LDLRAD4: variants seen among roughly 807,000 people sequenced by gnomAD.
LDLRAD4 encodes low-density lipoprotein receptor class A domain-containing protein 4.
LDLRAD4 carries 5 observed loss-of-function variants against 17.0 expected under a neutral mutation model. The ratio of observed to expected loss-of-function variants is 0.29; its 90% CI spans 0.15 to 0.62. The LOEUF (loss-of-function observed/expected upper bound fraction) is 0.62, where lower values mean the gene tolerates loss of function less well. Among genes scored for constraint, LDLRAD4 ranks in the 20% least tolerant of loss-of-function variants. LDLRAD4 has a pLI of 0.84. For synonymous variants in LDLRAD4, 168 were observed against 171.8 expected (o/e 0.98, Z 0.17); for missense variants, 340 against 424.7 (o/e 0.80, Z 1.75).
chr18:13,370,617 G>A lies in LDLRAD4; in HGVS notation c.-382-16724G>A, dbSNP rs114822771. On this transcript the variant is annotated intron_variant, in intron 1 of 5. Coordinates refer to ENST00000359446, the Ensembl canonical transcript of LDLRAD4. ...TGTGCGGAAGTGGCCCAGAGAAACC[G>A]CGGGAAATGCTCCATGGAGACTGCC... Among the ~76,000 whole-genome samples the A allele has an allele frequency of 6.6e-3, 1,004 of 152,122 alleles. 12 individuals carry two copies. The highest frequency in any genetic ancestry group is 0.023 in the African/African-American group (954 of 41,496).
At chr18:13,377,684 A>G (rs1404949657) in intron 1 of LDLRAD4, among the ~76,000 whole-genome samples, 1 of 152,218 alleles carries the variant, frequency 6.6e-6, no homozygotes, top group East Asian at 1.9e-4. Flanking sequence ...CATAATGGAC[A>G]TACTCAGGCA....
exon 6 of LDLRAD4, chr18:13,647,596 T>C (rs1342466915): frequency 2.0e-5 from 3 of 152,300 alleles, no homozygotes; most frequent in Non-Finnish European, 4.4e-5. Flanking sequence ...CCTAGTCTGT[T>C]CCCTTCTGCT....
intron 1 of LDLRAD4, among the ~76,000 whole-genome samples, chr18:13,378,991 G>A (rs2085134634): frequency 2.6e-5 from 4 of 152,192 alleles, no homozygotes. Context: ...ATTTGGGAGG[G>A]GTGGTAACTT....
chr18:13,626,026 G>A (rs1015417927), intron 4 of LDLRAD4, among the ~76,000 whole-genome samples: 1 of 151,838 alleles, frequency 6.6e-6, no homozygotes, highest in Non-Finnish European at 1.5e-5. Context: ...GGGGCCCAAG[G>A]AATGGATGTT....
chr18:13,555,643 C>T (rs1465838316), intron 3 of LDLRAD4, among the ~76,000 whole-genome samples: 1 of 152,108 alleles, frequency 6.6e-6, no homozygotes, highest in Non-Finnish European at 1.5e-5. Context: ...CCCTAGGGTG[C>T]AAAGCAATGT....
intron 1 of LDLRAD4, among the ~76,000 whole-genome samples, chr18:13,248,493 A>G (rs2043079216): frequency 6.6e-6 from 1 of 152,186 alleles, no homozygotes; most frequent in Non-Finnish European, 1.5e-5. Flanking sequence ...TGATGTAGCA[A>G]TTGTGGAATG....
In LDLRAD4 at chr18:13,292,647, G is replaced by C. The variant is rs567349774; in HGVS notation, c.-383+14459G>C. Among the ~76,000 whole-genome samples, 31 of 152,332 alleles carry C rather than the reference G, an allele frequency of 2.0e-4. 1 individual carries two copies. The highest frequency in any genetic ancestry group is 4.1e-4 in the Non-Finnish European group (28 of 68,022). ...AAATTGAAGCATAAGGGAGCCCTAG[G>C]AGGGACTGAATACCATGAGGCGTGG... On this transcript the variant is annotated intron_variant, in intron 1 of 5. Transcript: ENST00000359446.
chr18:13,452,466 C>A (rs1219018166), intron 3 of LDLRAD4, among the ~76,000 whole-genome samples: 1 of 152,052 alleles, frequency 6.6e-6, no homozygotes, highest in Non-Finnish European at 1.5e-5. Flanking sequence ...GTGAGCAAGT[C>A]TCTGCGAGGG....
At chr18:13,347,870 C>T (rs2082786586) in intron 1 of LDLRAD4, among the ~76,000 whole-genome samples, 1 of 152,226 alleles carries the variant, frequency 6.6e-6, no homozygotes, top group African/African-American at 2.4e-5. Flanking sequence ...GAATCAGCTA[C>T]TGAGGCTTGC....
intron 3 of LDLRAD4, among the ~76,000 whole-genome samples, chr18:13,566,168 C>T (rs1239642711): frequency 6.6e-6 from 1 of 152,080 alleles, no homozygotes; most frequent in African/African-American, 2.4e-5. Context: ...ACAAGACTAA[C>T]GGGCAGCCAA....
chr18:13,591,891 G>C (rs1442897385), intron 3 of LDLRAD4, among the ~76,000 whole-genome samples: 1 of 152,134 alleles, frequency 6.6e-6, no homozygotes, highest in Non-Finnish European at 1.5e-5. Flanking sequence ...GGCATTTGGG[G>C]GTAATTATAA....
intron 3 of LDLRAD4, among the ~76,000 whole-genome samples, chr18:13,450,334 C>CA (rs2091740631): frequency 4.0e-5 from 5 of 124,968 alleles, no homozygotes; most frequent in Non-Finnish European, 8.8e-5. Flanking sequence ...CCACCCCCCC[C>CA]CCCAAAAAAA....
At chr18:13,306,042 G>T (rs2046893669) in intron 1 of LDLRAD4, among the ~76,000 whole-genome samples, 4 of 152,174 alleles carry the variant, frequency 2.6e-5, no homozygotes, top group Admixed American at 2.6e-4. Flanking sequence ...AAGATAATAG[G>T]AGAAGCAGCA....
chr18:13,612,025 G>C (rs2039613619), intron 3 of LDLRAD4: 1 of 985,534 alleles, frequency 1.0e-6, no homozygotes, highest in African/African-American at 1.7e-5. Context: ...AAGCACGCGA[G>C]CCTAACGTGA....
At chr18:13,448,578 C>T (rs1226232597) in intron 3 of LDLRAD4, among the ~76,000 whole-genome samples, 1 of 151,442 alleles carries the variant, frequency 6.6e-6, no homozygotes, top group African/African-American at 2.4e-5. Context: ...AGTTTCTGCT[C>T]ATGAAGACTC....
At chr18:13,445,963 A>G (rs2091377287) in intron 3 of LDLRAD4, among the ~76,000 whole-genome samples, 1 of 152,182 alleles carries the variant, frequency 6.6e-6, no homozygotes, top group African/African-American at 2.4e-5. Flanking sequence ...TGAGGATAAT[A>G]TTGGTATCTC....
chr18:13,544,236 G>A (rs570058285), intron 3 of LDLRAD4, among the ~76,000 whole-genome samples: 1 of 152,376 alleles, frequency 6.6e-6, no homozygotes, highest in Admixed American at 6.5e-5. Flanking sequence ...TTCCTGGAGT[G>A]TGATTTCCCC....
rs1479908174 is a variant in LDLRAD4, at chr18:13,383,041, A to G, written c.-382-4300A>G. Among the ~76,000 whole-genome samples the G allele has an allele frequency of 3.3e-5, 5 of 152,186 alleles. No individual in the cohort carries two copies. The East Asian group carries it at 7.7e-4, about 23-fold the overall frequency. ...TTGTAATCATCATCTCAACTCTTCT[A>G]GTGGGGTGGTGGGAAAACCAGCCCG... On this transcript the variant is annotated intron_variant, in intron 1 of 5. Coordinates refer to ENST00000359446, the Ensembl canonical transcript of LDLRAD4.
intron 2 of LDLRAD4, among the ~76,000 whole-genome samples, chr18:13,431,163 G>A (rs2090309808): frequency 1.3e-5 from 2 of 152,164 alleles, no homozygotes; most frequent in South Asian, 4.1e-4. Flanking sequence ...CAAGAAACTT[G>A]AAAGTTATTA....
Sources: gnomAD v4.1 joint callset for allele counts (sites outside exome capture counted in the v4.1 genomes callset) on GRCh38, gnomAD v4.1.1 for gene constraint, MANE v1.5 for transcripts, NCBI Gene and HGNC (gene_info 2026-07-23, HGNC 2026-07-21) for gene names.